GALNT13: variants seen among roughly 807,000 people sequenced by gnomAD.
The protein encoded by GALNT13 is polypeptide N-acetylgalactosaminyltransferase 13, also known as UDP-GalNAc:polypeptide N-acetylgalactosaminyltransferase 13.
A neutral mutation model predicts 64.2 loss-of-function variants in GALNT13; 28 were observed. The observed-to-expected ratio is 0.44, with a 90% confidence interval of 0.32 to 0.60. GALNT13 has a LOEUF of 0.60. Among genes scored for constraint, GALNT13 ranks in the 20% least tolerant of loss-of-function variants. GALNT13 has a pLI of 0.05. For synonymous variants in GALNT13, 214 were observed against 224.6 expected (o/e 0.95, Z 0.42); for missense variants, 577 against 669.8 (o/e 0.86, Z 1.53).
chr2:153,470,189 G>A, the GALNT13 span, among the ~76,000 whole-genome samples: 3 of 152,070 alleles, frequency 2.0e-5, no homozygotes, highest in African/African-American at 7.2e-5. Context: ...ATTGAGCTAG[G>A]TGACCATTGT....
chr2:154,133,431 T>G (rs1007320027), intron 3 of GALNT13, among the ~76,000 whole-genome samples: 1 of 151,058 alleles, frequency 6.6e-6, no homozygotes, highest in Non-Finnish European at 1.5e-5. Context: ...ATTAAAGATT[T>G]TTGAGCTTGT....
intron 11 of GALNT13, among the ~76,000 whole-genome samples, chr2:154,428,777 A>ATT (rs70983722): frequency 7.2e-5 from 10 of 139,652 alleles, no homozygotes; most frequent in African/African-American, 1.3e-4. Flanking sequence ...ATGATCAGTG[A>ATT]TTTTTTTTTT....
the GALNT13 span, among the ~76,000 whole-genome samples, chr2:153,726,955 AAC>A: frequency 6.6e-6 from 1 of 151,512 alleles, no homozygotes; most frequent in African/African-American, 2.4e-5. Context: ...AAAAAAAAAA[AAC>A]AAAAAAAAAA....
chr2:153,790,799 C>T, the GALNT13 span, among the ~76,000 whole-genome samples: 2 of 152,152 alleles, frequency 1.3e-5, no homozygotes, highest in Non-Finnish European at 2.9e-5. Context: ...CATTCCTATA[C>T]ACCCACAAAA....
chr2:154,183,910 A>G (rs2105737066), intron 4 of GALNT13, among the ~76,000 whole-genome samples: 1 of 152,058 alleles, frequency 6.6e-6, no homozygotes, highest in Admixed American at 6.6e-5. Flanking sequence ...TGAAATGGAA[A>G]GTTAAGTTTA....
At chr2:153,413,270 C>T in the GALNT13 span, among the ~76,000 whole-genome samples, 8 of 152,146 alleles carry the variant, frequency 5.3e-5, no homozygotes, top group Non-Finnish European at 7.4e-5. Context: ...TGTATCGATA[C>T]TATCTATACA....
chr2:153,631,658 G>A, the GALNT13 span, among the ~76,000 whole-genome samples: 2,293 of 152,184 alleles, frequency 0.015, 57 homozygotes, highest in African/African-American at 0.052. Flanking sequence ...TGATGGGGTT[G>A]TTTTTTTCTT....
chr2:153,102,840 T>C, the GALNT13 span, among the ~76,000 whole-genome samples: 3 of 152,138 alleles, frequency 2.0e-5, no homozygotes, highest in Non-Finnish European at 2.9e-5. Context: ...AAATGTATTT[T>C]TACCAATATT....
chr2:153,859,174 C>T, the GALNT13 span, among the ~76,000 whole-genome samples: 6 of 152,248 alleles, frequency 3.9e-5, no homozygotes, highest in South Asian at 4.1e-4. Context: ...CCTCTTGGTC[C>T]GGTTAGCTTC....
chr2:153,397,723 A>AGTT, the GALNT13 span, among the ~76,000 whole-genome samples: 1 of 151,852 alleles, frequency 6.6e-6, no homozygotes, highest in Admixed American at 6.6e-5. Flanking sequence ...CTGCTGCTCT[A>AGTT]GTTGTTAACT....
At position 154,325,917 on chromosome 2, in the gene GALNT13, T is replaced by C. The variant is rs559252973; in HGVS notation, c.1156+24328T>C. On this transcript the variant is annotated intron_variant, in intron 9 of 12. Coordinates refer to ENST00000392825, the MANE Select transcript of GALNT13 (RefSeq NM_052917.4). ...GCAAAATGAGCACCACTTGGGAACT[T>C]ATTAGACCCACACTCCGAGGGCGGG... Among the ~76,000 whole-genome samples the C allele has an allele frequency of 2.0e-5, 3 of 152,224 alleles. No homozygotes were observed. The East Asian group carries it at 5.8e-4, about 30-fold the overall frequency.
intron 3 of GALNT13, among the ~76,000 whole-genome samples, chr2:154,010,953 A>C (rs940895317): frequency 2.6e-5 from 4 of 151,366 alleles, no homozygotes; most frequent in Non-Finnish European, 5.9e-5. Flanking sequence ...AATGTCCCCT[A>C]TGTCATTTCT....
Position 154,140,503 on chromosome 2 carries a change from A to C in GALNT13, c.309A>C (p.Glu103Asp). The change falls in exon 4 of 13, where the codon GAA becomes GAC. Residue 103 changes from glutamate (E) to aspartate (D), a missense_variant and splice_region_variant. Physicochemically the swap from Glu to Asp is conservative, Grantham distance 45. Transcript: ENST00000392825. ...GAAGTCTGCCAGATGTAAGATTAGA[A>C]GGGTAAGTTTGCATTTGTTATATAA... Reference protein sequence around the residue: ...LNRSLPDVRLEGCKTKVYPDE... With the variant: ...LNRSLPDVRLDGCKTKVYPDE... 6.3e-7 allele frequency: 1 copy of C among 1,599,992 alleles called. No individual in the cohort carries two copies. The highest frequency in any genetic ancestry group is 8.5e-7 in the Non-Finnish European group (1 of 1,170,972).
At chr2:153,166,685 C>T in the GALNT13 span, among the ~76,000 whole-genome samples, 2 of 125,042 alleles carry the variant, frequency 1.6e-5, no homozygotes, top group Non-Finnish European at 3.3e-5. Flanking sequence ...GGACTGTTTT[C>T]CTTGGTAGGT....
At chr2:154,054,918 G>A (rs1302052235) in intron 3 of GALNT13, among the ~76,000 whole-genome samples, 2 of 151,928 alleles carry the variant, frequency 1.3e-5, no homozygotes, top group Non-Finnish European at 2.9e-5. Context: ...ATGTCAGTGG[G>A]CCACACAACT....
chr2:154,197,512 C>T (rs1223991083), intron 4 of GALNT13, among the ~76,000 whole-genome samples: 1 of 151,838 alleles, frequency 6.6e-6, no homozygotes, highest in African/African-American at 2.4e-5. Flanking sequence ...ATCTACCTCA[C>T]GTGATACACA....
chr2:154,399,414 G>C (rs777430755), intron 10 of GALNT13, among the ~76,000 whole-genome samples: 2 of 152,138 alleles, frequency 1.3e-5, no homozygotes, highest in Non-Finnish European at 2.9e-5. Flanking sequence ...TTTAGTGTCT[G>C]ATAAAGGCTT....
the GALNT13 span, among the ~76,000 whole-genome samples, chr2:153,167,656 G>A: frequency 3.3e-5 from 5 of 152,102 alleles, no homozygotes; most frequent in East Asian, 1.9e-4. Flanking sequence ...TGGTGCAATC[G>A]GATAGTCTGG....
chr2:154,284,173 A>T (rs1481764501), intron 8 of GALNT13, among the ~76,000 whole-genome samples: 1 of 152,142 alleles, frequency 6.6e-6, no homozygotes, highest in Non-Finnish European at 1.5e-5. Context: ...AAAATACATC[A>T]TCATTAACTG....
Sources: gnomAD v4.1 joint callset for allele counts (sites outside exome capture counted in the v4.1 genomes callset) on GRCh38, gnomAD v4.1.1 for gene constraint, MANE v1.5 for transcripts, NCBI Gene and HGNC (gene_info 2026-07-23, HGNC 2026-07-21) for gene names.